PSD3: variants seen among roughly 807,000 people sequenced by gnomAD.
PSD3 encodes PH and SEC7 domain-containing protein 3.
PSD3 carries 49 observed loss-of-function variants against 105.5 expected under a neutral mutation model. The ratio of observed to expected loss-of-function variants is 0.46; its 90% confidence interval spans 0.37 to 0.59. PSD3 has a LOEUF of 0.59. PSD3 is among the 20% of genes least tolerant of loss of function. PSD3 has a pLI of 0.00. For synonymous variants in PSD3, 557 were observed against 457.8 expected (o/e 1.22, Z -2.77); for missense variants, 1,561 against 1,263.8 (o/e 1.24, Z -3.57).
intron 4 of PSD3, among the ~76,000 whole-genome samples, chr8:18,825,050 T>C (rs910555738): frequency 1.2e-4 from 19 of 152,196 alleles, no homozygotes; most frequent in Non-Finnish European, 1.9e-4. Flanking sequence ...TGACTATGAA[T>C]CATTTTGTAC....
At chr8:19,035,710 A>C (rs186916589) in intron 1 of PSD3, among the ~76,000 whole-genome samples, 240 of 151,468 alleles carry the variant, frequency 1.6e-3, no homozygotes, top group Non-Finnish European at 1.9e-3. Flanking sequence ...ATATGACTGC[A>C]TATAGTGATG....
chr8:18,799,372 A>G lies in PSD3; in HGVS notation c.2024-19T>C. On this transcript the variant is annotated intron_variant, in intron 7 of 15. Transcript: ENST00000327040. ...ACTCCATCTAAAGAAAGATACAAGA[A>G]AAAAAAGCATGAATTCGCTTTTCAC... 1 of 1,563,126 alleles carries G rather than the reference A, an allele frequency of 6.4e-7. No homozygotes were observed. The highest frequency in any genetic ancestry group is 8.7e-7 in the Non-Finnish European group (1 of 1,148,306).
At chr8:18,628,106 T>A (rs551908232) in intron 11 of PSD3, among the ~76,000 whole-genome samples, 157 of 151,970 alleles carry the variant, frequency 1.0e-3, no homozygotes, top group African/African-American at 3.8e-3. Context: ...TTAAAAATAT[T>A]GGAAAGAGCT....
chr8:18,912,395 T>A (rs1032102667), intron 2 of PSD3, among the ~76,000 whole-genome samples: 5 of 152,206 alleles, frequency 3.3e-5, no homozygotes, highest in Admixed American at 3.3e-4. Flanking sequence ...CAGGGGGCAG[T>A]GTTGTCTAAC....
intron 1 of PSD3, among the ~76,000 whole-genome samples, chr8:19,036,299 A>T (rs1827941688): frequency 1.3e-5 from 2 of 152,010 alleles, no homozygotes; most frequent in Admixed American, 1.3e-4. Flanking sequence ...CTCAATAAAA[A>T]CAGCTGCTTA....
intron 11 of PSD3, among the ~76,000 whole-genome samples, chr8:18,603,406 G>C (rs567121861): frequency 4.4e-4 from 67 of 151,978 alleles, no homozygotes; most frequent in Admixed American, 7.2e-4. Context: ...GCTTTTTGGA[G>C]GCCATTTTCA....
intron 9 of PSD3, among the ~76,000 whole-genome samples, chr8:18,709,366 G>A (rs994815839): frequency 2.6e-5 from 4 of 152,178 alleles, no homozygotes; most frequent in African/African-American, 4.8e-5. Flanking sequence ...AGCCCCTGAC[G>A]GGAGGGGCGG....
intron 1 of PSD3, among the ~76,000 whole-genome samples, chr8:19,027,801 T>C (rs777637935): frequency 1.3e-5 from 2 of 152,230 alleles, no homozygotes; most frequent in African/African-American, 4.8e-5. Context: ...TTGGACAGTG[T>C]TCCATTGTAT....
intron 1 of PSD3, among the ~76,000 whole-genome samples, chr8:18,959,478 C>T (rs151078604): frequency 0.014 from 2,192 of 152,160 alleles, 67 homozygotes; most frequent in African/African-American, 0.05. Context: ...CACACTCTAG[C>T]TCTGCACATC....
At chr8:18,860,404 C>G (rs1244462907) in intron 4 of PSD3, among the ~76,000 whole-genome samples, 1 of 151,372 alleles carries the variant, frequency 6.6e-6, no homozygotes, top group Admixed American at 6.6e-5. Flanking sequence ...TTATTGGAAA[C>G]ATGGCACCAA....
chr8:18,818,047 C>A lies in PSD3; in HGVS notation c.1635-13149G>T, dbSNP rs112339547. 1.7e-3 allele frequency among the ~76,000 whole-genome samples: 265 copies of A among 152,158 alleles called. 1 individual carries two copies. Among genetic ancestry groups the A allele is most frequent in the Admixed American group, 2.6e-3 (40 of 15,280 alleles). On this transcript the variant is annotated intron_variant, in intron 4 of 15. Coordinates refer to ENST00000327040, the MANE Select transcript of PSD3 (RefSeq NM_015310.4). ...CGGCTCACTGCAACCTCTGCCTCCC[C>A]GGTTCAAGCGATTCTCCCACCTCAG... is the stretch of plus-strand genomic sequence containing the variant.
chr8:18,579,060 C>A lies in PSD3; in HGVS notation c.2482-3775G>T, dbSNP rs929540927. On this transcript the variant is annotated intron_variant, in intron 12 of 15. Coordinates refer to ENST00000327040, the MANE Select transcript of PSD3 (RefSeq NM_015310.4). ...AATGCAAACCTTAAAATATTTTCAG[C>A]ATTCTGAATTCCTACTAGAAAATAA... Among the ~76,000 whole-genome samples, 6 of 149,294 alleles carry A rather than the reference C, an allele frequency of 4.0e-5. No homozygotes were observed. The South Asian group carries it at 6.5e-4, about 16-fold the overall frequency.
chr8:18,989,801 G>T (rs1825694692), intron 1 of PSD3, among the ~76,000 whole-genome samples: 2 of 152,188 alleles, frequency 1.3e-5, no homozygotes, highest in African/African-American at 4.8e-5. Flanking sequence ...GCCCAACCAA[G>T]TGGCTATTCT....
At chr8:18,621,411 A>T (rs551808402) in intron 11 of PSD3, among the ~76,000 whole-genome samples, 5 of 152,186 alleles carry the variant, frequency 3.3e-5, no homozygotes, top group Non-Finnish European at 7.4e-5. Flanking sequence ...CCGTCTCAGA[A>T]AAAAGACTAT....
intron 1 of PSD3, among the ~76,000 whole-genome samples, chr8:18,988,569 C>A (rs527882031): frequency 6.6e-6 from 1 of 151,338 alleles, no homozygotes; most frequent in East Asian, 1.9e-4. Context: ...ATGGTTGTAG[C>A]TGACTAATTA....
In PSD3 at chr8:18,872,401, C is replaced by T; in HGVS notation, c.463G>A (p.Val155Ile). Residue 155 changes from valine to isoleucine, a missense_variant, in exon 3 of 16, where the codon GTA (valine) becomes ATA (isoleucine). Transcript: ENST00000327040. ...CTAGAAACAGCATCTTGGTCCAGTA[C>T]CTTTGTAGCCTGTAATGTTCCGGAA... ...IISGTLQATK[V>I]LDQDAVSSFS... 2 of 1,614,172 alleles carry T rather than the reference C, an allele frequency of 1.2e-6. No individual in the cohort carries two copies. Among genetic ancestry groups the T allele is most frequent in the Non-Finnish European group, 1.7e-6 (2 of 1,180,028 alleles).
chr8:18,681,168 T>C (rs565863204), intron 9 of PSD3, among the ~76,000 whole-genome samples: 1 of 152,284 alleles, frequency 6.6e-6, no homozygotes, highest in Non-Finnish European at 1.5e-5. Flanking sequence ...CACGAGTTAA[T>C]GGTATCTTAT....
chr8:19,027,514 G>C (rs765390207), intron 1 of PSD3, among the ~76,000 whole-genome samples: 1 of 152,208 alleles, frequency 6.6e-6, no homozygotes, highest in African/African-American at 2.4e-5. Flanking sequence ...CAAATGTATA[G>C]AGCTGTGTAA....
chr8:18,676,028 T>C (rs901678590), intron 9 of PSD3, among the ~76,000 whole-genome samples: 4 of 152,212 alleles, frequency 2.6e-5, no homozygotes, highest in African/African-American at 9.6e-5. Context: ...CAGGTTATCA[T>C]GATGCTACGA....
Sources: allele counts gnomAD v4.1 joint callset (sites outside exome capture counted in the v4.1 genomes callset), GRCh38; gene constraint gnomAD v4.1.1; transcripts MANE v1.5; gene names NCBI Gene and HGNC (gene_info 2026-07-23, HGNC 2026-07-21).